Variants in RIMS1 observed in about 807,000 individuals in gnomAD.
RIMS1 encodes the protein regulating synaptic membrane exocytosis protein 1.
In RIMS1, 83 loss-of-function variants were observed where a neutral mutation model predicts 214.1. The observed-to-expected ratio is 0.39, with a 90% CI of 0.32 to 0.47. The LOEUF (loss-of-function observed/expected upper bound fraction) is 0.47. RIMS1 is among the 20% of genes least tolerant of loss of function. The pLI is 0.99. For synonymous variants in RIMS1, 793 were observed against 786.8 expected (o/e 1.01, Z -0.13); for missense variants, 2,050 against 2,161.8 (o/e 0.95, Z 1.03).
intron 1 of RIMS1, among the ~76,000 whole-genome samples, chr6:71,952,218 A>G (rs925093589): frequency 6.6e-6 from 1 of 152,140 alleles, no homozygotes; most frequent in African/African-American, 2.4e-5. Flanking sequence ...CCCACTTCCC[A>G]CCATCACTCT....
chr6:72,000,120 C>A (rs1165323741), intron 2 of RIMS1, among the ~76,000 whole-genome samples: 2 of 152,022 alleles, frequency 1.3e-5, no homozygotes. Context: ...TGTAAACTTA[C>A]AATTTACCCT....
chr6:71,890,793 G>C (rs1005718848), intron 1 of RIMS1, among the ~76,000 whole-genome samples: 2 of 152,014 alleles, frequency 1.3e-5, no homozygotes, highest in African/African-American at 4.8e-5. Flanking sequence ...CTGTGCTCAA[G>C]TTTATTATAA....
intron 4 of RIMS1, among the ~76,000 whole-genome samples, chr6:72,127,133 T>A (rs773277075): frequency 3.9e-5 from 6 of 152,198 alleles, no homozygotes; most frequent in Non-Finnish European, 7.3e-5. Context: ...CCAGAGTATT[T>A]TTCCATATAT....
At chr6:72,102,691 T>C (rs940157481) in intron 4 of RIMS1, among the ~76,000 whole-genome samples, 3 of 151,974 alleles carry the variant, frequency 2.0e-5, no homozygotes, top group African/African-American at 7.2e-5. Flanking sequence ...TATTATAAGG[T>C]GTTGTCTGTG....
intron 19 of RIMS1, chr6:72,263,636 G>A: frequency 2.0e-6 from 2 of 985,328 alleles, no homozygotes; most frequent in Non-Finnish European, 2.4e-6. Flanking sequence ...CTGAGGTTAG[G>A]AGTTGAAAAG....
At chr6:72,012,261 A>G (rs1057178350) in intron 2 of RIMS1, among the ~76,000 whole-genome samples, 6 of 152,136 alleles carry the variant, frequency 3.9e-5, no homozygotes, top group African/African-American at 1.4e-4. Context: ...GTTGTCACTC[A>G]TAGGTGGGAA....
intron 2 of RIMS1, among the ~76,000 whole-genome samples, chr6:72,026,156 G>A (rs1168347153): frequency 6.6e-6 from 1 of 152,166 alleles, no homozygotes; most frequent in Non-Finnish European, 1.5e-5. Context: ...TGGATTTTCA[G>A]TGGCTATCTT....
chr6:71,979,708 A>G (rs536606495), intron 2 of RIMS1, among the ~76,000 whole-genome samples: 1 of 152,168 alleles, frequency 6.6e-6, no homozygotes, highest in South Asian at 2.1e-4. Flanking sequence ...AAATGCATAG[A>G]ATCACTTTTT....
intron 1 of RIMS1, among the ~76,000 whole-genome samples, chr6:71,890,027 G>A (rs1769132715): frequency 6.6e-6 from 1 of 152,114 alleles, no homozygotes; most frequent in Admixed American, 6.5e-5. Flanking sequence ...TATAAAAATA[G>A]GCGCAGAGAG....
chr6:72,381,514 A>G (rs1203372698), intron 29 of RIMS1, among the ~76,000 whole-genome samples: 3 of 152,254 alleles, frequency 2.0e-5, no homozygotes, highest in Non-Finnish European at 2.9e-5. Context: ...TAGCCAAAAT[A>G]AGAGGTAGTA....
chr6:72,226,717 T>C (rs1418342199), intron 6 of RIMS1, among the ~76,000 whole-genome samples: 1 of 151,030 alleles, frequency 6.6e-6, no homozygotes, highest in East Asian at 1.9e-4. Context: ...GGCCAATTAA[T>C]AATTTTTACA....
At chr6:71,914,113 A>G (rs1013586121) in intron 1 of RIMS1, among the ~76,000 whole-genome samples, 1 of 152,114 alleles carries the variant, frequency 6.6e-6, no homozygotes, top group Non-Finnish European at 1.5e-5. Flanking sequence ...TGAATGTGCA[A>G]TATATAGTTT....
At chr6:72,299,484 A>G (rs546282003) in intron 26 of RIMS1, among the ~76,000 whole-genome samples, 29 of 151,942 alleles carry the variant, frequency 1.9e-4, no homozygotes, top group South Asian at 4.1e-4. Context: ...TAGATCATAG[A>G]GATTGTAACT....
At chr6:72,336,302 T>C (rs1351912109) in intron 29 of RIMS1, among the ~76,000 whole-genome samples, 1 of 151,878 alleles carries the variant, frequency 6.6e-6, no homozygotes, top group Admixed American at 6.6e-5. Flanking sequence ...AAAACTATAC[T>C]TGTGGCTCAT....
intron 4 of RIMS1, among the ~76,000 whole-genome samples, chr6:72,155,523 A>G (rs1269101766): frequency 7.1e-6 from 1 of 140,916 alleles, no homozygotes; most frequent in African/African-American, 2.5e-5. Flanking sequence ...AACATACCCA[A>G]GACTGGGCAA....
intron 6 of RIMS1, chr6:72,216,934 A>C: frequency 7.7e-7 from 1 of 1,295,532 alleles, no homozygotes; most frequent in Non-Finnish European, 9.8e-7. Flanking sequence ...GTAATCAATG[A>C]GAATCTGTTC....
At chr6:72,175,107 C>T (rs1240424988) in intron 4 of RIMS1, among the ~76,000 whole-genome samples, 1 of 152,136 alleles carries the variant, frequency 6.6e-6, no homozygotes, top group African/African-American at 2.4e-5. Flanking sequence ...TCCCCAGTTT[C>T]TGCTAGAGTG....
At chr6:72,105,778 A>C (rs894560643) in intron 4 of RIMS1, among the ~76,000 whole-genome samples, 16 of 152,144 alleles carry the variant, frequency 1.1e-4, no homozygotes, top group Non-Finnish European at 2.2e-4. Flanking sequence ...ATTTCCCCTT[A>C]GTGTACAGGA....
intron 2 of RIMS1, among the ~76,000 whole-genome samples, chr6:72,084,773 G>A (rs560215388): frequency 6.1e-4 from 93 of 152,150 alleles, no homozygotes; most frequent in African/African-American, 1.7e-3. Context: ...GCTAATCATC[G>A]GTTATGCTCT....
Sources: allele counts gnomAD v4.1 joint callset (sites outside exome capture counted in the v4.1 genomes callset), GRCh38; gene constraint gnomAD v4.1.1; transcripts MANE v1.5; gene names NCBI Gene and HGNC (gene_info 2026-07-23, HGNC 2026-07-21).